PRSS23: variants seen among roughly 807,000 people sequenced by gnomAD.
PRSS23 encodes serine protease 23, also known as protease, serine 23.
A neutral mutation model predicts 34.7 loss-of-function variants in PRSS23; 25 were observed. The observed-to-expected ratio is 0.72, with a 90% confidence interval of 0.53 to 1.01. The LOEUF is 1.01. PRSS23 is among the 50% of genes least tolerant of loss of function. PRSS23 has a pLI of 0.00. For synonymous variants in PRSS23, 176 were observed against 186.6 expected (o/e 0.94, Z 0.46); for missense variants, 445 against 475.6 (o/e 0.94, Z 0.60).
chr11:86,934,363 ATC>A (rs35273496), intron 2 of PRSS23: 93,978 of 150,724 alleles, frequency 0.62, 29,753 homozygotes, highest in Non-Finnish European at 0.69. Context: ...AACATATTCC[ATC>A]TCTCTCTCTC....
At chr11:86,912,572 A>C (rs1475628461) in intron 2 of PRSS23, among the ~76,000 whole-genome samples, 1 of 152,204 alleles carries the variant, frequency 6.6e-6, no homozygotes, top group Non-Finnish European at 1.5e-5. Flanking sequence ...AAGTTCAATC[A>C]GGGAATTTTT....
chr11:86,917,921 A>C (rs1359699230), intron 2 of PRSS23, among the ~76,000 whole-genome samples: 2 of 152,220 alleles, frequency 1.3e-5, no homozygotes, highest in African/African-American at 4.8e-5. Context: ...GCCACAAAAA[A>C]TTCACTGTGT....
intron 2 of PRSS23, among the ~76,000 whole-genome samples, chr11:86,922,688 A>C (rs1949054738): frequency 6.6e-6 from 1 of 152,118 alleles, no homozygotes; most frequent in African/African-American, 2.4e-5. Flanking sequence ...TTTTTTCTAC[A>C]TTTGCTCAAA....
chr11:86,853,260 T>TA (rs1948544118), intron 2 of PRSS23, among the ~76,000 whole-genome samples: 4 of 124,250 alleles, frequency 3.2e-5, no homozygotes, highest in Non-Finnish European at 6.8e-5. Context: ...TTTTTTTTTT[T>TA]TTTTTTTTTT....
At chr11:86,816,327 G>T (rs1948215096) in intron 1 of PRSS23, among the ~76,000 whole-genome samples, 1 of 152,158 alleles carries the variant, frequency 6.6e-6, no homozygotes, top group Non-Finnish European at 1.5e-5. Flanking sequence ...TGCTCAGGGT[G>T]TTCATGCGTC....
chr11:86,848,888 G>A (rs1948508262), intron 2 of PRSS23, among the ~76,000 whole-genome samples: 1 of 152,176 alleles, frequency 6.6e-6, no homozygotes, highest in Admixed American at 6.5e-5. Flanking sequence ...TTGCCTAGTA[G>A]GGCTTGTTAT....
intron 2 of PRSS23, chr11:86,912,230 G>C (rs1022696171): frequency 1.3e-5 from 2 of 152,168 alleles, no homozygotes; most frequent in Non-Finnish European, 2.9e-5. Context: ...TGTTGTTACT[G>C]TTGTTTACTA....
Position 86,828,419 on chromosome 11 carries a change from G to A in PRSS23, c.206+4826G>A, listed in dbSNP as rs571549843. Among the ~76,000 whole-genome samples the A allele has an allele frequency of 6.4e-3, 972 of 152,268 alleles. 15 individuals carry two copies. Among genetic ancestry groups the A allele is most frequent in the African/African-American group, 0.022 (922 of 41,526 alleles). ...ACATGAGATGGGTTTCCTGAATACA[G>A]CACACTGGTGGGTCTTGACTCTTTA... On this transcript the variant is annotated intron_variant, in intron 2 of 2. Coordinates refer to the PRSS23 transcript ENST00000533902.
chr11:86,872,077 A>C (rs1293262496), intron 2 of PRSS23, among the ~76,000 whole-genome samples: 2 of 152,208 alleles, frequency 1.3e-5, no homozygotes, highest in African/African-American at 4.8e-5. Flanking sequence ...GTGTTCAGCA[A>C]TTCACTTAAC....
At chr11:86,822,696 G>C (rs1201423728) in intron 1 of PRSS23, among the ~76,000 whole-genome samples, 1 of 151,836 alleles carries the variant, frequency 6.6e-6, no homozygotes, top group African/African-American at 2.4e-5. Context: ...CATAATGAAA[G>C]GAAAACCCTG....
At chr11:86,881,278 A>G (rs1948770569) in intron 2 of PRSS23, among the ~76,000 whole-genome samples, 1 of 150,726 alleles carries the variant, frequency 6.6e-6, no homozygotes, top group African/African-American at 2.4e-5. Flanking sequence ...TTTTATCATG[A>G]AATGGTGTTG....
chr11:86,811,035 A>G lies in PRSS23; in HGVS notation c.*2240A>G, dbSNP rs994656644. The G allele has an allele frequency of 6.0e-6, 1 of 166,818 alleles. No individual in the cohort carries two copies. The highest frequency in any genetic ancestry group is 2.4e-5 in the African/African-American group (1 of 41,468). 10.3% of individuals were successfully genotyped at this position (166,818 alleles called of 1,614,324 possible). A position where few individuals can be genotyped will look rare whatever the true frequency, so the allele number is the denominator to read the frequency against. ...CCACATTTCCCAAAGTGTGCTCCTT[A>G]AACACTCATGCCTTATGATTTTCTA... On this transcript the variant is annotated 3_prime_UTR_variant, in exon 2 of 2. Transcript: ENST00000280258.
intron 2 of PRSS23, among the ~76,000 whole-genome samples, chr11:86,832,361 A>G (rs1056673813): frequency 6.6e-6 from 1 of 151,902 alleles, no homozygotes; most frequent in African/African-American, 2.4e-5. Context: ...CAGTGGGTGT[A>G]CTCCATGTGT....
At chr11:86,870,618 A>G (rs553671887) in intron 2 of PRSS23, among the ~76,000 whole-genome samples, 1 of 152,278 alleles carries the variant, frequency 6.6e-6, no homozygotes, top group Non-Finnish European at 1.5e-5. Context: ...CTCTTCAGGG[A>G]TTCCAATTAC....
chr11:86,908,434 TTCAG>T (rs1228793602), intron 2 of PRSS23, among the ~76,000 whole-genome samples: 4 of 152,212 alleles, frequency 2.6e-5, no homozygotes, highest in East Asian at 1.9e-4. Context: ...GTTCACAGTC[TTCAG>T]TCAGTTTACT....
At chr11:86,879,394 C>G (rs1034277852) in intron 2 of PRSS23, among the ~76,000 whole-genome samples, 1 of 151,902 alleles carries the variant, frequency 6.6e-6, no homozygotes, top group Non-Finnish European at 1.5e-5. Context: ...CGGCAGCCAC[C>G]CCGTCTGGGA....
At chr11:86,798,459 G>C (rs1172801532), upstream of PRSS23, among the ~76,000 whole-genome samples, 1 of 152,206 alleles carries the variant, frequency 6.6e-6, no homozygotes, top group African/African-American at 2.4e-5. Flanking sequence ...TGGAACGAAG[G>C]AAAGAGGTGA....
At chr11:86,870,982 C>A (rs760940718) in intron 2 of PRSS23, among the ~76,000 whole-genome samples, 2 of 152,144 alleles carry the variant, frequency 1.3e-5, no homozygotes, top group Admixed American at 6.5e-5. Flanking sequence ...CATGTCATCT[C>A]TGGGACTATT....
At chr11:86,889,008 T>C (rs1027657506) in intron 2 of PRSS23, among the ~76,000 whole-genome samples, 2 of 152,228 alleles carry the variant, frequency 1.3e-5, no homozygotes, top group Non-Finnish European at 2.9e-5. Context: ...AGAGCCCTGA[T>C]CACTCATGGT....
Sources: gnomAD v4.1 joint callset for allele counts (sites outside exome capture counted in the v4.1 genomes callset) on GRCh38, gnomAD v4.1.1 for gene constraint, MANE v1.5 for transcripts, NCBI Gene and HGNC (gene_info 2026-07-23, HGNC 2026-07-21) for gene names.